WFDC1: variants seen among roughly 807,000 people sequenced by gnomAD.
WFDC1 encodes WAP four-disulfide core domain 1.
Under a neutral mutation model 32.9 loss-of-function variants are expected in WFDC1, and 39 were observed. That is an observed-to-expected ratio of 1.19 (90% CI 0.92 to 1.55). The LOEUF (loss-of-function observed/expected upper bound fraction) is 1.55. WFDC1 is among the 40% of genes most tolerant of loss of function. WFDC1 has a pLI of 0.00. For synonymous variants in WFDC1, 184 were observed against 137.4 expected, an observed-to-expected ratio of 1.34 and a Z score of -2.37; for missense variants, 386 against 309.5, an observed-to-expected ratio of 1.25 and a Z score of -1.85.
chr16:84,295,166 G>A, intron 1 of WFDC1, 51 bp downstream of exon 1: 1 of 1,597,712 alleles, frequency 6.3e-7, no homozygotes, highest in Non-Finnish European at 8.5e-7. Context: ...GTGGGAGTCA[G>A]CCTTGAGGAG....
At chr16:84,304,939 A>G (rs113972654) in intron 1 of WFDC1, among the ~76,000 whole-genome samples, 5 of 152,214 alleles carry the variant, frequency 3.3e-5, no homozygotes, top group Admixed American at 1.3e-4. Context: ...GAAGAAATTG[A>G]CAGGCACCAT....
chr16:84,319,227 C>T lies in WFDC1; in HGVS notation c.422-204C>T, dbSNP rs557575307. The T allele has an allele frequency of 2.7e-5, 16 of 597,090 alleles. No homozygotes were observed. In the East Asian group the frequency reaches 3.5e-4, roughly 13 times the overall value. 37.0% of individuals were successfully genotyped at this position (597,090 alleles called of 1,614,324 possible). A position where few individuals can be genotyped will look rare whatever the true frequency, so the allele number is the denominator to read the frequency against. ...AGCTTGGACTGCCTGTGTTTGTGTG[C>T]GTGTTTGTGGGTGTGCACGTGTGCC... On this transcript the variant is annotated intron_variant, in intron 3 of 6. Transcript: ENST00000219454.
At chr16:84,319,940 C>T (rs78151342) in intron 4 of WFDC1, among the ~76,000 whole-genome samples, 1,788 of 152,208 alleles carry the variant, frequency 0.012, 17 homozygotes, top group Non-Finnish European at 0.019. Flanking sequence ...GCAGAGCAGT[C>T]GGAGCAGCCC....
At chr16:84,305,149 A>C (rs1389515553) in intron 1 of WFDC1, among the ~76,000 whole-genome samples, 1 of 152,242 alleles carries the variant, frequency 6.6e-6, no homozygotes, top group East Asian at 1.9e-4. Context: ...CTGAAGATTC[A>C]GTATGTGAGG....
Position 84,313,076 on chromosome 16 carries a change from C to T in WFDC1, c.260C>T (p.Ser87Phe). ...ACQAARCQAD[S>F]ECPRHRRCCY... is the part of the protein sequence containing the mutation. ...CAGGCCGCGCGCTGTCAGGCGGACTCCGAGTGCCCGCGGCACCGGCGCTGC... is the reference window on the plus strand; with the variant it reads ...CAGGCCGCGCGCTGTCAGGCGGACTTCGAGTGCCCGCGGCACCGGCGCTGC... The change falls in exon 2 of 7, where the codon TCC (serine) becomes TTC (phenylalanine). Residue 87 changes from serine to phenylalanine, a missense_variant. Ser to Phe is a radical substitution (Grantham distance 155, BLOSUM62 -2). Transcript: ENST00000219454. 2.1e-6 allele frequency: 3 copies of T among 1,423,980 alleles called. No individual in the cohort carries two copies. The highest frequency in any genetic ancestry group is 2.7e-6 in the Non-Finnish European group (3 of 1,094,260). The allele number at this position is 1,423,980 out of a possible 1,614,324, so 88.2% of individuals were successfully genotyped here. A position where few individuals can be genotyped will look rare whatever the true frequency, so the allele number is the denominator to read the frequency against.
At chr16:84,313,814 G>T (rs1650118941) in intron 2 of WFDC1, among the ~76,000 whole-genome samples, 1 of 152,198 alleles carries the variant, frequency 6.6e-6, no homozygotes, top group Non-Finnish European at 1.5e-5. Flanking sequence ...CTGTGAAATG[G>T]GTGGATCACC....
intron 6 of WFDC1, chr16:84,327,538 T>C (rs964771674): frequency 1.3e-5 from 2 of 152,312 alleles, no homozygotes; most frequent in African/African-American, 4.8e-5. Context: ...GGTAAAATTG[T>C]TTTTGTTATA....
At chr16:84,299,178 T>C (rs1906784725) in intron 1 of WFDC1, among the ~76,000 whole-genome samples, 3 of 151,882 alleles carry the variant, frequency 2.0e-5, no homozygotes, top group South Asian at 2.1e-4. Flanking sequence ...CTGACCAACA[T>C]GGAGAAACCC....
intron 1 of WFDC1, among the ~76,000 whole-genome samples, chr16:84,309,578 C>T (rs1907486002): frequency 6.6e-6 from 1 of 152,004 alleles, no homozygotes; most frequent in African/African-American, 2.4e-5. Context: ...TAACAAATGA[C>T]CACAAACTGG....
intron 2 of WFDC1, chr16:84,317,722 A>G (rs1908045572): frequency 6.4e-6 from 1 of 155,208 alleles, no homozygotes; most frequent in African/African-American, 2.4e-5. Flanking sequence ...AAAATAAAGT[A>G]TTAGTTAGAG....
At chr16:84,322,781 A>T (rs1410715974) in intron 4 of WFDC1, among the ~76,000 whole-genome samples, 1 of 152,182 alleles carries the variant, frequency 6.6e-6, no homozygotes, top group Admixed American at 6.6e-5. Flanking sequence ...GGTTTTTCAG[A>T]GAGTGGGTTC....
At chr16:84,304,412 A>G (rs1035970011) in intron 1 of WFDC1, among the ~76,000 whole-genome samples, 1 of 152,136 alleles carries the variant, frequency 6.6e-6, no homozygotes, top group East Asian at 1.9e-4. Context: ...TATTTTTAGT[A>G]GAGACGGGTT....
At chr16:84,302,770 A>G (rs1223211105) in intron 1 of WFDC1, among the ~76,000 whole-genome samples, 1 of 152,128 alleles carries the variant, frequency 6.6e-6, no homozygotes, top group African/African-American at 2.4e-5. Flanking sequence ...TTGTCCTGAA[A>G]CAGCCACGTG....
In WFDC1 at chr16:84,313,247, T is replaced by A. The variant is rs1907752620; in HGVS notation, c.337+94T>A. On this transcript the variant is annotated intron_variant, in intron 2 of 6. Transcript: ENST00000219454. Reference sequence around the variant, plus strand: ...GGAAGAAAGGAGCTGGGCTTAAAGCTGGGCCACCTGGGCGGGTCTCGGGCG... The same window carrying A: ...GGAAGAAAGGAGCTGGGCTTAAAGCAGGGCCACCTGGGCGGGTCTCGGGCG... 21 of 1,208,812 alleles carry A rather than the reference T, an allele frequency of 1.7e-5. 1 individual carries two copies. The South Asian group carries it at 5.2e-4, about 30-fold the overall frequency. The allele number at this position is 1,208,812 out of a possible 1,614,324, so 74.9% of individuals were successfully genotyped here.
intron 2 of WFDC1, chr16:84,318,012 T>C (rs1908059057): frequency 2.5e-6 from 1 of 397,018 alleles, no homozygotes; most frequent in Non-Finnish European, 4.8e-6. Flanking sequence ...GACAGGAAGT[T>C]GCATGGTCAC....
chr16:84,303,140 G>A (rs1254653699), intron 1 of WFDC1, among the ~76,000 whole-genome samples: 3 of 151,390 alleles, frequency 2.0e-5, no homozygotes, highest in African/African-American at 7.3e-5. Context: ...ATCTACGCAC[G>A]CTGAACTCTA....
At chr16:84,310,111 C>G (rs368060915) in intron 1 of WFDC1, among the ~76,000 whole-genome samples, 1 of 152,034 alleles carries the variant, frequency 6.6e-6, no homozygotes, top group East Asian at 1.9e-4. Context: ...TCGAGGCCCT[C>G]CCTTGAAGGG....
chr16:84,329,227 C>CTG (rs774813127), intron 6 of WFDC1, 95 bp from the exon 7 acceptor site: 21 of 152,574 alleles, frequency 1.4e-4, no homozygotes, highest in Admixed American at 1.0e-3. Flanking sequence ...ATTTGTGACT[C>CTG]TGTGGTCTGC....
chr16:84,298,436 A>T (rs1906738563), intron 1 of WFDC1, among the ~76,000 whole-genome samples: 2 of 152,022 alleles, frequency 1.3e-5, no homozygotes, highest in African/African-American at 4.8e-5. Flanking sequence ...TTCCAATTGT[A>T]TTGCTCCGTT....
Sources: gnomAD v4.1 joint callset for allele counts (sites outside exome capture counted in the v4.1 genomes callset) on GRCh38, gnomAD v4.1.1 for gene constraint, MANE v1.5 for transcripts, NCBI Gene and HGNC (gene_info 2026-07-23, HGNC 2026-07-21) for gene names.